The following DCHS2 variants were observed in gnomAD, a reference collection of about 807,000 sequenced individuals.
The protein encoded by DCHS2 is dachsous cadherin-related 2, also known as protocadherin-23.
Under a neutral mutation model 182.4 loss-of-function variants are expected in DCHS2, and 142 were observed. That is an observed-to-expected ratio of 0.78 (90% CI 0.68 to 0.89). The LOEUF is 0.89. DCHS2 is among the 40% of genes least tolerant of loss of function. DCHS2 has a pLI of 0.00. For missense variants in DCHS2, 4,319 were observed against 4,198.6 expected (o/e 1.03, Z -0.79); for synonymous variants, 1,740 against 1,663.3 (o/e 1.05, Z -1.12).
chr4:154,278,681 G>A (rs1475496083), intron 13 of DCHS2, among the ~76,000 whole-genome samples: 1 of 151,818 alleles, frequency 6.6e-6, no homozygotes, highest in Admixed American at 6.6e-5. Flanking sequence ...ATAAGATTAA[G>A]TGGATTTCTC....
chr4:154,366,945 G>T (rs756679192), intron 2 of DCHS2, among the ~76,000 whole-genome samples: 1 of 152,164 alleles, frequency 6.6e-6, no homozygotes, highest in South Asian at 2.1e-4. Context: ...TGGGCAGGGG[G>T]GTGCCCTGGT....
intron 1 of DCHS2, among the ~76,000 whole-genome samples, chr4:154,378,619 T>TCA (rs1167542237): frequency 6.6e-6 from 1 of 152,014 alleles, no homozygotes; most frequent in Non-Finnish European, 1.5e-5. Context: ...TTAAAGTACA[T>TCA]CACATACTTA....
intron 7 of DCHS2, chr4:154,323,426 C>G (rs1364808125): frequency 2.0e-6 from 3 of 1,489,952 alleles, no homozygotes; most frequent in African/African-American, 2.8e-5. Context: ...AGTTCAGGGT[C>G]GCAAGCTATC....
intron 1 of DCHS2, among the ~76,000 whole-genome samples, chr4:154,480,646 T>A (rs1705457913): frequency 6.6e-6 from 1 of 152,346 alleles, no homozygotes; most frequent in Non-Finnish European, 1.5e-5. Context: ...ATTACTGTAG[T>A]CATTTAAAAT....
intron 1 of DCHS2, among the ~76,000 whole-genome samples, chr4:154,382,735 A>T (rs1045490621): frequency 6.6e-6 from 1 of 152,204 alleles, no homozygotes; most frequent in Non-Finnish European, 1.5e-5. Flanking sequence ...GCCAAGAAAC[A>T]TATGAAAAAA....
intron 13 of DCHS2, among the ~76,000 whole-genome samples, chr4:154,289,953 CAAGAG>C (rs1183488973): frequency 6.6e-6 from 1 of 151,264 alleles, no homozygotes; most frequent in Non-Finnish European, 1.5e-5. Flanking sequence ...AGCAATCAGA[CAAGAG>C]AAAGAAATAA....
chr4:154,265,757 CA>C (rs139790522), intron 14 of DCHS2, among the ~76,000 whole-genome samples: 2,041 of 142,428 alleles, frequency 0.014, 61 homozygotes, highest in African/African-American at 0.048. Context: ...TTCTGAACAA[CA>C]AAAAAAAAAG....
chr4:154,270,264 A>G (rs1360709483), intron 13 of DCHS2, among the ~76,000 whole-genome samples: 3 of 152,208 alleles, frequency 2.0e-5, no homozygotes, highest in African/African-American at 4.8e-5. Flanking sequence ...ATAAACCATT[A>G]AAACATACAT....
chr4:154,476,572 C>T (rs572608647), intron 1 of DCHS2, among the ~76,000 whole-genome samples: 1 of 152,202 alleles, frequency 6.6e-6, no homozygotes, highest in Non-Finnish European at 1.5e-5. Context: ...GTAATCAACA[C>T]TCTTTTATGT....
At chr4:154,252,563 C>T (rs990310228) in intron 16 of DCHS2, among the ~76,000 whole-genome samples, 4 of 151,756 alleles carry the variant, frequency 2.6e-5, no homozygotes, top group Non-Finnish European at 5.9e-5. Flanking sequence ...TTTTAGCTCC[C>T]ACAAATAAGT....
intron 1 of DCHS2, among the ~76,000 whole-genome samples, chr4:154,447,538 G>T (rs558304613): frequency 4.6e-5 from 7 of 152,104 alleles, no homozygotes; most frequent in African/African-American, 1.4e-4. Flanking sequence ...TAGGGTTTTT[G>T]ATATTTTGAA....
At chr4:154,350,754 A>G (rs977228164) in intron 3 of DCHS2, among the ~76,000 whole-genome samples, 2 of 152,140 alleles carry the variant, frequency 1.3e-5, no homozygotes, top group East Asian at 1.9e-4. Context: ...GTATAATCAC[A>G]TGTATTTTGT....
intron 2 of DCHS2, among the ~76,000 whole-genome samples, chr4:154,368,944 G>A (rs1271019362): frequency 6.6e-6 from 1 of 152,146 alleles, no homozygotes; most frequent in East Asian, 1.9e-4. Context: ...AAAGAGGACA[G>A]ATTTATTCTA....
intron 3 of DCHS2, among the ~76,000 whole-genome samples, chr4:154,337,262 AG>A (rs1246300985): frequency 1.3e-5 from 2 of 152,210 alleles, no homozygotes; most frequent in Non-Finnish European, 2.9e-5. Flanking sequence ...CCCACTCACC[AG>A]GTATATATTC....
chr4:154,481,779 G>A (rs1735930675), intron 1 of DCHS2, among the ~76,000 whole-genome samples: 1 of 152,134 alleles, frequency 6.6e-6, no homozygotes, highest in Non-Finnish European at 1.5e-5. Context: ...AAAGGTTTAG[G>A]AATTTACTTG....
chr4:154,252,179 AT>A (rs1732400422), intron 16 of DCHS2, among the ~76,000 whole-genome samples: 1 of 152,044 alleles, frequency 6.6e-6, no homozygotes, highest in Non-Finnish European at 1.5e-5. Context: ...TCAATTTTTA[AT>A]TTTTGTGGGT....
intron 1 of DCHS2, among the ~76,000 whole-genome samples, chr4:154,444,024 T>C (rs1447973342): frequency 1.3e-5 from 2 of 152,252 alleles, no homozygotes; most frequent in African/African-American, 4.8e-5. Flanking sequence ...CTGATTCCTC[T>C]CCTCCCTGCC....
intron 1 of DCHS2, among the ~76,000 whole-genome samples, chr4:154,408,711 TA>T (rs1732499699): frequency 6.6e-6 from 1 of 152,126 alleles, no homozygotes; most frequent in Non-Finnish European, 1.5e-5. Context: ...TGGAGCACAG[TA>T]ACCTACGACA....
chr4:154,257,120 C>T (rs965024822), intron 15 of DCHS2, among the ~76,000 whole-genome samples: 5 of 152,150 alleles, frequency 3.3e-5, no homozygotes, highest in African/African-American at 7.2e-5. Context: ...TGGTGGCATA[C>T]GCCCATAGTC....
Sources: gnomAD v4.1 joint callset for allele counts (sites outside exome capture counted in the v4.1 genomes callset) on GRCh38, gnomAD v4.1.1 for gene constraint, MANE v1.5 for transcripts, NCBI Gene and HGNC (gene_info 2026-07-23, HGNC 2026-07-21) for gene names.